The following CHD5 variants were observed in gnomAD, a reference collection of about 807,000 sequenced individuals.
CHD5 encodes chromodomain helicase DNA binding protein 5.
CHD5 carries 69 observed loss-of-function variants against 230.3 expected under a neutral mutation model. The observed-to-expected ratio is 0.30, with a 90% CI of 0.25 to 0.37. CHD5 has a LOEUF of 0.37. Among genes scored for constraint, CHD5 ranks in the 10% least tolerant of loss-of-function variants. The pLI, the probability that CHD5 is intolerant of heterozygous loss-of-function variation, is 1.00. For synonymous variants in CHD5, 1,064 were observed against 1,065.9 expected, an observed-to-expected ratio of 1.00 and a Z score of 0.03; for missense variants, 1,827 against 2,622.8, an observed-to-expected ratio of 0.70 and a Z score of 6.63.
At position 6,119,862 on chromosome 1, in the gene CHD5, ATAT is replaced by A. The variant is rs1201216110; in HGVS notation, c.4912+1240_4912+1242del. Among the ~76,000 whole-genome samples, 198 of 127,074 alleles carry A rather than the reference ATAT, an allele frequency of 1.6e-3. 2 individuals carry two copies. Among genetic ancestry groups the A allele is most frequent in the South Asian group, 6.3e-3 (23 of 3,648 alleles). 83.4% of individuals were successfully genotyped at this position (127,074 alleles called of 152,430 possible). ...ATATATGTGTGTATTATATATATAT[ATAT>A]TTTTTTTTTTTCTGAGATTGAGTCC... On this transcript the variant is annotated intron_variant, in intron 33 of 41. Transcript: ENST00000262450.
chr1:6,143,683 C>T, intron 13 of CHD5, 140 bp downstream of exon 13: 3 of 737,580 alleles, frequency 4.1e-6, no homozygotes, highest in Non-Finnish European at 4.6e-6. Flanking sequence ...TCCTAGCCTA[C>T]ATGGGCATGA....
In CHD5 at chr1:6,167,043, G is replaced by A. The variant is rs571071369; in HGVS notation, c.207+1107C>T. Among the ~76,000 whole-genome samples the A allele has an allele frequency of 3.4e-4, 52 of 152,120 alleles. No individual in the cohort carries two copies. The highest frequency in any genetic ancestry group is 6.0e-4 in the Non-Finnish European group (41 of 68,028). On this transcript the variant is annotated intron_variant, in intron 2 of 41. Transcript: ENST00000262450. This position sits in a 1 kb window ranked among gnomAD's most constrained non-coding sequence, Gnocchi z 4.5. ...AGGGAGGCCTAGATCCGGGCCCAGC[G>A]CTGCCAAGGGCACCCCCTTAGCATT...
chr1:6,138,698 A>C (rs1017834919), intron 15 of CHD5, among the ~76,000 whole-genome samples: 14 of 152,370 alleles, frequency 9.2e-5, no homozygotes, highest in African/African-American at 3.4e-4. Flanking sequence ...CAAAGAGCTA[A>C]GTCTGTTTCT....
At chr1:6,118,533 A>G (rs963003401) in intron 33 of CHD5, among the ~76,000 whole-genome samples, 1 of 152,208 alleles carries the variant, frequency 6.6e-6, no homozygotes, top group Non-Finnish European at 1.5e-5. Flanking sequence ...GCCAGTCCAT[A>G]GGACAGAAGT....
At chr1:6,143,131 C>T (rs886325563) in intron 13 of CHD5, among the ~76,000 whole-genome samples, 1 of 152,010 alleles carries the variant, frequency 6.6e-6, no homozygotes, top group African/African-American at 2.4e-5. Flanking sequence ...TGGCTCACTG[C>T]AGCCTCAATT....
intron 1 of CHD5, among the ~76,000 whole-genome samples, chr1:6,174,274 G>A (rs1277777349): frequency 1.3e-5 from 2 of 152,154 alleles, no homozygotes; most frequent in Admixed American, 6.5e-5. Context: ...AATAAGGACA[G>A]AGCCACAGAG....
intron 33 of CHD5, among the ~76,000 whole-genome samples, chr1:6,116,015 A>G (rs567784040): frequency 2.6e-5 from 4 of 152,346 alleles, no homozygotes; most frequent in African/African-American, 7.2e-5. Context: ...AAAGAAGCAA[A>G]AGATATGAAA....
At chr1:6,166,118 G>C (rs904029822) in intron 2 of CHD5, among the ~76,000 whole-genome samples, 6 of 151,832 alleles carry the variant, frequency 4.0e-5, no homozygotes, top group Non-Finnish European at 8.8e-5. Flanking sequence ...GTCAGACGGG[G>C]CACAGAGCTG....
In CHD5 at chr1:6,105,412, G is replaced by C. The variant is rs1230088937; in HGVS notation, c.*62C>G. On this transcript the variant is annotated 3_prime_UTR_variant, in exon 42 of 42. Transcript: ENST00000262450. This position sits in a 1 kb window ranked among gnomAD's most constrained non-coding sequence, Gnocchi z 4.8. The stretch of plus-strand genomic sequence containing the variant: ...TCTCTCCCATGTGGGTCGGGCAGGT[G>C]GCCCGGCAGGCGTGGCTGCAAAACG... 2.1e-6 allele frequency: 1 copy of C among 470,570 alleles called. No homozygotes were observed. Among genetic ancestry groups the C allele is most frequent in the Non-Finnish European group, 4.4e-6 (1 of 226,940 alleles). 29.1% of individuals were successfully genotyped at this position (470,570 alleles called of 1,614,324 possible). A position where few individuals can be genotyped will look rare whatever the true frequency, so the allele number is the denominator to read the frequency against.
chr1:6,179,049 G>T (rs1056732009), intron 1 of CHD5, among the ~76,000 whole-genome samples: 1 of 152,260 alleles, frequency 6.6e-6, no homozygotes, highest in African/African-American at 2.4e-5. Flanking sequence ...TGTGCCAGGA[G>T]GGAAAACGTC....
In CHD5 at chr1:6,121,454, CCA is replaced by C; in HGVS notation, c.4779+38_4779+39del. On this transcript the variant is annotated intron_variant, in intron 32 of 41. Coordinates refer to ENST00000262450, the MANE Select transcript of CHD5 (RefSeq NM_015557.3). The surrounding 1 kb of genome is among the most constrained non-coding windows in gnomAD (Gnocchi z 4.5). ...AAGGTCCCCAGACCCAACCTCCACC[CCA>C]CACACACCACAGGCCCAGACGCCAG... 1 of 1,573,288 alleles carries C rather than the reference CCA, an allele frequency of 6.4e-7. No homozygotes were observed. Among genetic ancestry groups the C allele is most frequent in the Non-Finnish European group, 8.7e-7 (1 of 1,151,508 alleles).
Position 6,130,372 on chromosome 1 carries a change from A to T in CHD5, c.3263-44T>A. On this transcript the variant is annotated intron_variant, in intron 21 of 41. Transcript: ENST00000262450. The surrounding 1 kb of genome is among the most constrained non-coding windows in gnomAD (Gnocchi z 4.9). ...CAGATGGGAGTGTTTGGGGGGGTAC[A>T]CCTTGGGTGGGCAGAAAGGATGGGG... The T allele has an allele frequency of 6.3e-7, 1 of 1,595,218 alleles. No homozygotes were observed. The highest frequency in any genetic ancestry group is 1.1e-5 in the South Asian group (1 of 90,296).
rs756976603 is a variant in CHD5, at chr1:6,125,576, T to C, written c.4208A>G (p.Asp1403Gly). The C allele has an allele frequency of 1.2e-6, 2 of 1,604,204 alleles. No homozygotes were observed. The highest frequency in any genetic ancestry group is 2.2e-5 in the South Asian group (2 of 89,942). The change falls in exon 28 of 42, where the codon GAC (aspartate) becomes GGC (glycine). Residue 1403 changes from aspartate (D) to glycine (G), a missense_variant. By Grantham distance (94) the Asp-to-Gly change is moderately conservative. Around this residue, in one of 14 missense-constraint regions of CHD5, gnomAD observed 137 missense variants for 272.7 expected, o/e 0.50. Coordinates refer to ENST00000262450, the MANE Select transcript of CHD5 (RefSeq NM_015557.3). This position sits in a 1 kb window ranked among gnomAD's most constrained non-coding sequence, Gnocchi z 6.7. ...AAGCGGGGGCAGGGGCTTGTCCCTGTCACTCTTCAGCTGCCTCCGGGATTG... is the reference window on the plus strand; with the variant it reads ...AAGCGGGGGCAGGGGCTTGTCCCTGCCACTCTTCAGCTGCCTCCGGGATTG... ...RRQSRRQLKS[D>G]RDKPLPPLLA...
rs1553142395 is a variant in CHD5, at chr1:6,159,025, A to AAAG, written c.387+310_387+311insCTT. On this transcript the variant is annotated intron_variant, in intron 3 of 41. Transcript: ENST00000262450. ...CCGTCTCAAAAAAAAAAAAAAAAAA[A>AAAG]AGAGATGGGGACCATCCTGGCCAAC... is the stretch of plus-strand genomic sequence containing the variant. Among the ~76,000 whole-genome samples the AAAG allele has an allele frequency of 3.6e-4, 54 of 149,770 alleles. 1 individual carries two copies. Among genetic ancestry groups the AAAG allele is most frequent in the African/African-American group, 1.3e-3 (51 of 40,688 alleles).
chr1:6,106,144 G>T, intron 41 of CHD5, 90 bp downstream of exon 41: 1 of 1,209,850 alleles, frequency 8.3e-7, no homozygotes, highest in Non-Finnish European at 1.2e-6. Context: ...AGGGACGGGA[G>T]TCAAGTGCAG....
intron 2 of CHD5, among the ~76,000 whole-genome samples, chr1:6,160,662 A>G (rs1225901013): frequency 1.3e-5 from 2 of 152,388 alleles, no homozygotes; most frequent in African/African-American, 4.8e-5. Flanking sequence ...CTCTGCAGAC[A>G]CTGCTATGGA....
chr1:6,129,058 G>A lies in CHD5; in HGVS notation c.3399C>T (p.Arg1133=), dbSNP rs773168274. 4.1e-5 allele frequency: 66 copies of A among 1,601,778 alleles called. No individual in the cohort carries two copies. The highest frequency in any genetic ancestry group is 5.3e-5 in the African/African-American group (4 of 74,818). Residue 1133 remains arginine (R), a synonymous_variant, in exon 23 of 42, where the codon CGC becomes CGT. Transcript: ENST00000262450. This position sits in a 1 kb window ranked among gnomAD's most constrained non-coding sequence, Gnocchi z 6.8. Reference sequence around the variant, plus strand: ...TCTTGTTCTGGCCGATGCGGTGGGCGCGGCTGAAGGCCTGGGGAGACCTGC... The same window carrying A: ...TCTTGTTCTGGCCGATGCGGTGGGCACGGCTGAAGGCCTGGGGAGACCTGC... ...NPHNDIQAFS[R]AHRIGQNKKV...
At chr1:6,152,381 C>T (rs1667019914) in intron 6 of CHD5, 31 bp downstream of exon 6, 11 of 1,599,690 alleles carry the variant, frequency 6.9e-6, no homozygotes, top group Non-Finnish European at 8.5e-6. Context: ...CATGCAAATG[C>T]ACACACACGC....
At chr1:6,122,931 G>A (rs987048265) in intron 31 of CHD5, among the ~76,000 whole-genome samples, 1 of 152,078 alleles carries the variant, frequency 6.6e-6, no homozygotes, top group Non-Finnish European at 1.5e-5. Flanking sequence ...TCAGCCAGGT[G>A]TGGTGGCGGG....
Sources: gnomAD v4.1 joint callset for allele counts (sites outside exome capture counted in the v4.1 genomes callset) on GRCh38, gnomAD v4.1.1 for gene constraint, gnomAD v4.1.1 regional missense constraint, Gnocchi (gnomAD v3.1) non-coding constraint, MANE v1.5 for transcripts, NCBI Gene and HGNC (gene_info 2026-07-23, HGNC 2026-07-21) for gene names.